PAM: variants seen among roughly 807,000 people sequenced by gnomAD.
PAM encodes the protein peptidylglycine alpha-amidating monooxygenase, also known as peptidyl-glycine alpha-amidating monooxygenase.
In PAM, 72 loss-of-function variants were observed where a neutral mutation model predicts 122.1. The ratio of observed to expected loss-of-function variants is 0.59; its 90% CI spans 0.49 to 0.72. The LOEUF is 0.72. PAM is among the 30% of genes least tolerant of loss of function. The pLI, the probability that PAM is intolerant of heterozygous loss-of-function variation, is 0.00. For synonymous variants in PAM, 389 were observed against 404.4 expected (o/e 0.96, Z 0.46); for missense variants, 1,106 against 1,183.7 (o/e 0.93, Z 0.96).
chr5:102,999,448 A>G (rs1311456299), intron 16 of PAM, among the ~76,000 whole-genome samples: 3 of 152,318 alleles, frequency 2.0e-5, no homozygotes, highest in East Asian at 1.9e-4. Context: ...GGGTGGATCT[A>G]ACATTCCAAG....
intron 7 of PAM, among the ~76,000 whole-genome samples, chr5:102,927,920 A>G (rs1266579421): frequency 6.6e-6 from 1 of 152,102 alleles, no homozygotes; most frequent in African/African-American, 2.4e-5. Flanking sequence ...TTAACTCTCT[A>G]TAGTGCTGAG....
At chr5:102,789,550 G>C (rs995964590) in intron 1 of PAM, among the ~76,000 whole-genome samples, 2 of 152,108 alleles carry the variant, frequency 1.3e-5, no homozygotes, top group Non-Finnish European at 2.9e-5. Context: ...AAGGACAAAT[G>C]TGGTATGATT....
At chr5:102,995,223 A>G (rs996341287) in intron 16 of PAM, among the ~76,000 whole-genome samples, 1 of 152,108 alleles carries the variant, frequency 6.6e-6, no homozygotes, top group African/African-American at 2.4e-5. Context: ...CCTTTGTACC[A>G]TCATGTCTGA....
chr5:102,960,443 A>G (rs1412636508), intron 13 of PAM, among the ~76,000 whole-genome samples: 1 of 152,064 alleles, frequency 6.6e-6, no homozygotes, highest in Admixed American at 6.6e-5. Context: ...TTGCCAGGGA[A>G]AATGGTTATC....
At chr5:102,948,250 CT>C in intron 8 of PAM, 127 bp from the exon 9 acceptor site, 1 of 545,972 alleles carries the variant, frequency 1.8e-6, no homozygotes, top group Non-Finnish European at 3.3e-6. Context: ...AATTTTTCCT[CT>C]TTTTCTACTT....
At chr5:102,850,843 G>A (rs1403700917) in intron 1 of PAM, among the ~76,000 whole-genome samples, 1 of 152,148 alleles carries the variant, frequency 6.6e-6, no homozygotes, top group Non-Finnish European at 1.5e-5. Context: ...ATTCTGATAT[G>A]AAGAATCTAG....
intron 4 of PAM, among the ~76,000 whole-genome samples, chr5:102,904,102 A>G (rs1384608538): frequency 3.3e-5 from 5 of 151,462 alleles, no homozygotes; most frequent in Admixed American, 6.6e-5. Context: ...AGGGTAGCCT[A>G]TGCTTTTTCC....
chr5:102,826,063 T>C (rs1363327544), intron 1 of PAM, among the ~76,000 whole-genome samples: 1 of 152,202 alleles, frequency 6.6e-6, no homozygotes, highest in Non-Finnish European at 1.5e-5. Context: ...TGCAAACTGA[T>C]TGTTAACAAA....
At chr5:102,906,876 G>A (rs1799719016) in intron 4 of PAM, among the ~76,000 whole-genome samples, 1 of 151,660 alleles carries the variant, frequency 6.6e-6, no homozygotes, top group Admixed American at 6.6e-5. Context: ...ATTAATAGTG[G>A]ACTATTATAG....
At chr5:102,860,409 G>T (rs1483573050) in intron 1 of PAM, among the ~76,000 whole-genome samples, 1 of 152,180 alleles carries the variant, frequency 6.6e-6, no homozygotes, top group Non-Finnish European at 1.5e-5. Context: ...ATGTTCAAAG[G>T]ATGATAGGAA....
Position 102,779,418 on chromosome 5 carries a change from G to A in PAM, c.-374+24070G>A, listed in dbSNP as rs540854396. On this transcript the variant is annotated intron_variant, in intron 1 of 25. Coordinates refer to ENST00000438793, the MANE Select transcript of PAM (RefSeq NM_001177306.2). ...GATCCTATATGTAGAATAACAGTAT[G>A]TGTGACAGCTACAAATGCAGATTGA... Among the ~76,000 whole-genome samples the A allele has an allele frequency of 7.2e-5, 11 of 152,202 alleles. No homozygotes were observed. The South Asian group carries it at 2.3e-3, about 32-fold the overall frequency.
intron 1 of PAM, among the ~76,000 whole-genome samples, chr5:102,806,327 G>A (rs1255412513): frequency 6.6e-6 from 1 of 152,292 alleles, no homozygotes; most frequent in South Asian, 2.1e-4. Flanking sequence ...AGGATTGCAA[G>A]CCCAGAACAG....
At chr5:102,859,453 G>A (rs1204929258) in intron 1 of PAM, among the ~76,000 whole-genome samples, 1 of 151,342 alleles carries the variant, frequency 6.6e-6, no homozygotes, top group Non-Finnish European at 1.5e-5. Context: ...TATACAGAAA[G>A]AAAATATTTT....
intron 1 of PAM, among the ~76,000 whole-genome samples, chr5:102,803,190 G>A (rs535900113): frequency 8.3e-6 from 1 of 121,158 alleles, no homozygotes; most frequent in African/African-American, 2.9e-5. Flanking sequence ...AGGAAGGAAG[G>A]AAGGAAGGAA....
chr5:102,924,452 C>A (rs796629530), intron 5 of PAM, among the ~76,000 whole-genome samples: 1,916 of 135,540 alleles, frequency 0.014, 6 homozygotes, highest in African/African-American at 0.027. Context: ...AAAAAAAAAA[C>A]AAAAAAACTC....
chr5:102,974,097 T>G lies in PAM; in HGVS notation c.1163-19T>G, dbSNP rs371992513. 9.6e-5 allele frequency: 153 copies of G among 1,592,752 alleles called. No individual in the cohort carries two copies. The highest frequency in any genetic ancestry group is 1.7e-4 in the Middle Eastern group (1 of 5,986). ...CTTATCTACCCTCCACGCCCTTATC[T>G]CTTCTCTTTTTTCCACAGGTGATTT... On this transcript the variant is annotated intron_variant, in intron 14 of 25. Coordinates refer to ENST00000438793, the MANE Select transcript of PAM (RefSeq NM_001177306.2).
intron 7 of PAM, among the ~76,000 whole-genome samples, chr5:102,944,626 A>T (rs556804146): frequency 6.6e-6 from 1 of 152,230 alleles, no homozygotes; most frequent in South Asian, 2.1e-4. Flanking sequence ...AAAACTCAGA[A>T]AAAAAATAAG....
chr5:102,974,354 C>T lies in PAM; in HGVS notation c.1401C>T (p.Thr467=), dbSNP rs1369767605. The change falls in exon 15 of 26, where the codon ACC becomes ACT. Residue 467 remains threonine, a synonymous_variant. Transcript: ENST00000438793. ...ACAAATTCCACAGACTAGTATCTAC[C>T]TTGAGGCCACCAGAGAGCAGAGTTT... The part of the protein sequence containing the change: ...RIHKFHRLVS[T]LRPPESRVFS... 1 of 1,613,984 alleles carries T rather than the reference C, an allele frequency of 6.2e-7. No individual in the cohort carries two copies. Among genetic ancestry groups the T allele is most frequent in the Non-Finnish European group, 8.5e-7 (1 of 1,179,886 alleles).
chr5:102,954,191 G>T (rs1759945140), intron 12 of PAM, among the ~76,000 whole-genome samples: 1 of 151,890 alleles, frequency 6.6e-6, no homozygotes, highest in African/African-American at 2.4e-5. Context: ...GGAACAGGTG[G>T]TTTTTTGTTA....
Sources: allele counts gnomAD v4.1 joint callset (sites outside exome capture counted in the v4.1 genomes callset), GRCh38; gene constraint gnomAD v4.1.1; transcripts MANE v1.5; gene names NCBI Gene and HGNC (gene_info 2026-07-23, HGNC 2026-07-21).